Variants in ACSL6 observed in about 807,000 individuals in gnomAD.
ACSL6 encodes the protein long-chain-fatty-acid--CoA ligase 6.
In ACSL6, 47 loss-of-function variants were observed where a neutral mutation model predicts 98.2. That is an observed-to-expected ratio of 0.48 (90% CI 0.38 to 0.61). The LOEUF (loss-of-function observed/expected upper bound fraction) is 0.61, where lower values mean the gene tolerates loss of function less well. ACSL6 is among the 20% of genes least tolerant of loss of function. The pLI, the probability that ACSL6 is intolerant of heterozygous loss-of-function variation, is 0.00. For missense variants in ACSL6, 761 were observed against 913.4 expected (o/e 0.83, Z 2.15); for synonymous variants, 362 against 336.9 (o/e 1.07, Z -0.82).
chr5:131,962,780 C>A, intron 17 of ACSL6, 102 bp from the exon 18 acceptor site: 1 of 1,343,342 alleles, frequency 7.4e-7, no homozygotes, highest in Non-Finnish European at 1.0e-6. Flanking sequence ...CCCTGCAGAC[C>A]CCACCCCGAT....
chr5:131,950,949 T>C lies in ACSL6; in HGVS notation c.*3285A>G. 5.2e-6 allele frequency: 1 copy of C among 192,064 alleles called. No individual in the cohort carries two copies. The highest frequency in any genetic ancestry group is 1.1e-5 in the Non-Finnish European group (1 of 91,720). The allele number at this position is 192,064 out of a possible 1,614,324, so 11.9% of individuals were successfully genotyped here. ...ATAAAATGTTTAATCCTTGGATTTC[T>C]GAGTTTATGAGTTCCTAATACATGG... On this transcript the variant is annotated 3_prime_UTR_variant, in exon 21 of 21. Transcript: ENST00000651883.
At chr5:131,973,613 G>A in intron 11 of ACSL6, 1 of 453,784 alleles carries the variant, frequency 2.2e-6, no homozygotes, top group Non-Finnish European at 3.9e-6. Flanking sequence ...GGGAGATGAA[G>A]CAGAAGATGG....
At chr5:131,974,751 G>A (rs1206008623) in intron 11 of ACSL6, 142 bp downstream of exon 11, 3 of 1,604,720 alleles carry the variant, frequency 1.9e-6, no homozygotes, top group South Asian at 2.2e-5. Flanking sequence ...TGATGCCAGG[G>A]CCTTACCTGC....
intron 2 of ACSL6, among the ~76,000 whole-genome samples, chr5:131,992,687 G>A (rs1269933615): frequency 1.3e-5 from 2 of 150,924 alleles, no homozygotes; most frequent in Non-Finnish European, 2.9e-5. Flanking sequence ...GCTTGCCCCT[G>A]TCACACCCAC....
Position 131,989,962 on chromosome 5 carries a change from G to A in ACSL6, c.450+138C>T, listed in dbSNP as rs151326189. On this transcript the variant is annotated intron_variant, in intron 4 of 20. Transcript: ENST00000651883. The stretch of plus-strand genomic sequence containing the variant: ...GGTATGCTGGAAGCCCTTCAAGGCT[G>A]TTGCCAGGAGTTTGGCAGACAGGCC... 6,718 of 902,932 alleles carry A rather than the reference G, an allele frequency of 7.4e-3. 39 individuals are homozygous for A. Among genetic ancestry groups the A allele is most frequent in the South Asian group, 0.011 (649 of 58,562 alleles). 55.9% of individuals were successfully genotyped at this position (902,932 alleles called of 1,614,324 possible). A position where few individuals can be genotyped will look rare whatever the true frequency, so the allele number is the denominator to read the frequency against.
intron 1 of ACSL6, among the ~76,000 whole-genome samples, chr5:132,002,521 TG>T (rs1189250156): frequency 1.3e-5 from 2 of 151,280 alleles, no homozygotes; most frequent in Non-Finnish European, 2.9e-5. Flanking sequence ...GTCACTGAGG[TG>T]GGGGGAGCAA....
intron 1 of ACSL6, among the ~76,000 whole-genome samples, chr5:131,999,907 C>G (rs973284643): frequency 6.6e-5 from 10 of 152,190 alleles, no homozygotes; most frequent in African/African-American, 2.4e-4. Context: ...AAGTGGGTTT[C>G]TTAAGAACAA....
intron 1 of ACSL6, chr5:131,999,279 C>T (rs1754943286): frequency 6.6e-6 from 1 of 152,254 alleles, no homozygotes; most frequent in African/African-American, 2.4e-5. Context: ...AGCTCATGGA[C>T]AGAGAGTGCA....
chr5:131,972,543 C>T (rs140416401), intron 13 of ACSL6, among the ~76,000 whole-genome samples, 181 bp downstream of exon 13: 2 of 152,144 alleles, frequency 1.3e-5, no homozygotes, highest in East Asian at 3.9e-4. Flanking sequence ...TAACGTATCT[C>T]CAAAAATCAA....
At chr5:131,987,966 T>C in intron 7 of ACSL6, 82 bp downstream of exon 7, 1 of 1,555,786 alleles carries the variant, frequency 6.4e-7, no homozygotes. Flanking sequence ...CCCCAGGGCA[T>C]GAGAGGGACA....
chr5:131,983,603 C>T (rs1415997483), intron 9 of ACSL6: 2 of 152,250 alleles, frequency 1.3e-5, no homozygotes, highest in African/African-American at 4.8e-5. Flanking sequence ...AGGATGAGTA[C>T]AAGAGGCACA....
rs1477082787 is a variant in ACSL6, at chr5:131,986,844, T to C, written c.842A>G (p.Gln281Arg). The change falls in exon 8 of 21, where the codon CAA (glutamine) becomes CGA (arginine). Residue 281 changes from glutamine (Q) to arginine (R), a missense_variant. Coordinates refer to ENST00000651883, the MANE Select transcript of ACSL6 (RefSeq NM_001009185.3). ...KSMQAVEDCG[Q>R]ENHQAPVPPQ... Reference sequence around the variant, plus strand: ...TACCACAGGAGCCTGGTGATTCTCTTGGCCACAGTCCTGAAAGAAGAAAAT... The same window carrying C: ...TACCACAGGAGCCTGGTGATTCTCTCGGCCACAGTCCTGAAAGAAGAAAAT... 1 of 1,614,092 alleles carries C rather than the reference T, an allele frequency of 6.2e-7. No individual in the cohort carries two copies. Among genetic ancestry groups the C allele is most frequent in the African/African-American group, 1.3e-5 (1 of 74,938 alleles).
At chr5:131,972,972 C>G (rs567146755) in intron 12 of ACSL6, 114 bp from the exon 13 acceptor site, 1 of 1,461,838 alleles carries the variant, frequency 6.8e-7, no homozygotes, top group Non-Finnish European at 9.3e-7. Flanking sequence ...CCATTTTGCC[C>G]CTGCAGGAGG....
chr5:131,959,666 G>A (rs1213220561), intron 19 of ACSL6, 59 bp from the exon 20 acceptor site: 5 of 1,533,356 alleles, frequency 3.3e-6, no homozygotes, highest in Non-Finnish European at 3.6e-6. Context: ...AATGGAGGTA[G>A]AGGAAACAAC....
rs781557702 is a variant in ACSL6 at position 131,986,796 on chromosome 5, A to G, written c.864+26T>C. ...GGCCCTGCACGCCATCTCGCTCAAT[A>G]AAGACCTGCAGGTGAATTCGCTTAC... On this transcript the variant is annotated intron_variant, in intron 8 of 20. Transcript: ENST00000651883. The G allele has an allele frequency of 2.5e-6, 4 of 1,613,936 alleles. No individual in the cohort carries two copies. In the African/African-American group the frequency reaches 5.3e-5, roughly 22 times the overall value.
intron 6 of ACSL6, 50 bp downstream of exon 6, chr5:131,988,755 G>A (rs1216055704): frequency 6.3e-7 from 1 of 1,592,704 alleles, no homozygotes; most frequent in Non-Finnish European, 8.6e-7. Context: ...CTGGAGGCTG[G>A]AGGCTGGGGA....
chr5:131,990,072 A>G (rs2126898787), intron 4 of ACSL6, 28 bp downstream of exon 4: 2 of 1,611,324 alleles, frequency 1.2e-6, no homozygotes, highest in Non-Finnish European at 1.7e-6. Context: ...ATGGGTGGCC[A>G]GGGTGGGGCC....
rs1752648593 is a variant in ACSL6, at chr5:131,960,502, C to G, written c.1959+18G>C. ...AAACATTCAGTAACCTTTCAGGAGA[C>G]AGCCCCAAGATACCAACCTTATTTG... is the stretch of plus-strand genomic sequence containing the variant. On this transcript the variant is annotated intron_variant, in intron 19 of 20. Transcript: ENST00000651883. The G allele has an allele frequency of 6.2e-7, 1 of 1,602,848 alleles. No individual in the cohort carries two copies. The highest frequency in any genetic ancestry group is 1.3e-5 in the African/African-American group (1 of 74,628).
At chr5:131,961,369 T>C (rs1191960135) in intron 18 of ACSL6, among the ~76,000 whole-genome samples, 1 of 152,036 alleles carries the variant, frequency 6.6e-6, no homozygotes, top group Non-Finnish European at 1.5e-5. Context: ...TTTCATAATA[T>C]TTATAGAAAT....
Sources: allele counts gnomAD v4.1 joint callset (sites outside exome capture counted in the v4.1 genomes callset), GRCh38; gene constraint gnomAD v4.1.1; transcripts MANE v1.5; gene names NCBI Gene and HGNC (gene_info 2026-07-23, HGNC 2026-07-21).